POU2F1: variants seen among roughly 807,000 people sequenced by gnomAD.
POU2F1 encodes POU class 2 homeobox 1, also known as POU domain, class 2, transcription factor 1.
A neutral mutation model predicts 84.9 loss-of-function variants in POU2F1; 16 were observed. That is an observed-to-expected ratio of 0.19 (90% CI 0.13 to 0.29). The LOEUF is 0.29. POU2F1 is among the 10% of genes least tolerant of loss of function. The pLI, the probability that POU2F1 is intolerant of heterozygous loss-of-function variation, is 1.00. For synonymous variants in POU2F1, 368 were observed against 368.3 expected (o/e 1.00, Z 0.01); for missense variants, 738 against 942.6 (o/e 0.78, Z 2.84).
chr1:167,375,957 G>A, intron 6 of POU2F1, 72 bp from the exon 7 acceptor site: 1 of 1,546,498 alleles, frequency 6.5e-7, no homozygotes, highest in Admixed American at 1.7e-5. Context: ...GAAGTCATCA[G>A]CTGGAAGCCT....
chr1:167,295,464 T>G (rs1210454821), intron 1 of POU2F1, among the ~76,000 whole-genome samples: 1 of 152,138 alleles, frequency 6.6e-6, no homozygotes, highest in Non-Finnish European at 1.5e-5. Flanking sequence ...CACTTATAAG[T>G]GGGAACTAAG....
chr1:167,379,859 G>T (rs367710732), intron 7 of POU2F1: 165 of 152,270 alleles, frequency 1.1e-3, no homozygotes, highest in African/African-American at 3.5e-3. Flanking sequence ...TAGGAATAAT[G>T]AATTACTGTT....
In POU2F1 at chr1:167,279,816, G is replaced by T. The variant is rs189036336; in HGVS notation, c.62-52654G>T. On this transcript the variant is annotated intron_variant, in intron 1 of 15. Coordinates refer to ENST00000367866, the MANE Select transcript of POU2F1 (RefSeq NM_002697.4). Reference sequence around the variant, plus strand: ...AAGTTCTGGAAGGGTTAGCAAGCAGGTTTACTTGTCTAGATTGAGAAAAAA... The same window carrying T: ...AAGTTCTGGAAGGGTTAGCAAGCAGTTTTACTTGTCTAGATTGAGAAAAAA... 4.6e-5 allele frequency among the ~76,000 whole-genome samples: 7 copies of T among 152,276 alleles called. No homozygotes were observed. The East Asian group carries it at 1.3e-3, about 29-fold the overall frequency.
chr1:167,341,954 A>G (rs889739116), intron 2 of POU2F1, among the ~76,000 whole-genome samples: 1 of 151,356 alleles, frequency 6.6e-6, no homozygotes, highest in Admixed American at 6.6e-5. Flanking sequence ...CTCTTTGACC[A>G]CCCCCAGTCG....
At chr1:167,322,682 G>C (rs1233828228) in intron 1 of POU2F1, among the ~76,000 whole-genome samples, 1 of 152,206 alleles carries the variant, frequency 6.6e-6, no homozygotes, top group Non-Finnish European at 1.5e-5. Context: ...CAGAAATATA[G>C]AGTGCAGAGT....
intron 2 of POU2F1, among the ~76,000 whole-genome samples, chr1:167,355,280 C>G (rs1171957445): frequency 1.3e-5 from 2 of 151,414 alleles, no homozygotes; most frequent in African/African-American, 4.9e-5. Context: ...CCTCATTGAT[C>G]TGTCATCTTT....
intron 2 of POU2F1, among the ~76,000 whole-genome samples, chr1:167,353,735 T>C (rs940004040): frequency 6.6e-6 from 1 of 152,212 alleles, no homozygotes; most frequent in Non-Finnish European, 1.5e-5. Context: ...TCTTTTACGA[T>C]TTTATGCAAA....
chr1:167,384,506 C>T (rs531987512), intron 8 of POU2F1, among the ~76,000 whole-genome samples: 2 of 151,962 alleles, frequency 1.3e-5, no homozygotes, highest in South Asian at 2.1e-4. Context: ...CTCTCTGGAC[C>T]TCAGTCTTCT....
chr1:167,247,638 G>A (rs1650433476), intron 1 of POU2F1, among the ~76,000 whole-genome samples: 1 of 152,022 alleles, frequency 6.6e-6, no homozygotes, highest in African/African-American at 2.4e-5. Context: ...ATAATACAAT[G>A]ATCCAGTATA....
chr1:167,272,152 A>G (rs1053310443), intron 1 of POU2F1, among the ~76,000 whole-genome samples: 3 of 152,200 alleles, frequency 2.0e-5, no homozygotes, highest in Admixed American at 6.5e-5. Flanking sequence ...AGTATGTTAG[A>G]ATGAACAGTA....
chr1:167,311,021 A>C (rs769878005), intron 1 of POU2F1, among the ~76,000 whole-genome samples: 6 of 152,150 alleles, frequency 3.9e-5, no homozygotes, highest in Non-Finnish European at 7.4e-5. Flanking sequence ...AATTCATCTG[A>C]ATGCTGGGAA....
chr1:167,388,501 A>C (rs920338457), intron 8 of POU2F1, among the ~76,000 whole-genome samples: 3 of 152,220 alleles, frequency 2.0e-5, no homozygotes, highest in East Asian at 3.8e-4. Flanking sequence ...TCATTGTGTT[A>C]TCTATGTTAG....
At position 167,363,265 on chromosome 1, in the gene POU2F1, TA is replaced by T. The variant is rs546019182; in HGVS notation, c.128-2201del. ...TTGGTTCTGGAAGACCTCCTATTAG[TA>T]GTGTGTTAATCTTTTAAGTGCTTGT... On this transcript the variant is annotated intron_variant, in intron 2 of 15. Transcript: ENST00000367866. 7.2e-3 allele frequency among the ~76,000 whole-genome samples: 1,098 copies of T among 152,304 alleles called. 6 individuals carry two copies. The highest frequency in any genetic ancestry group is 0.011 in the South Asian group (55 of 4,822).
intron 1 of POU2F1, among the ~76,000 whole-genome samples, chr1:167,281,617 A>G (rs1278209407): frequency 3.3e-5 from 5 of 152,220 alleles, no homozygotes; most frequent in African/African-American, 1.2e-4. Context: ...TCATTTGAAC[A>G]TGGTTCAAAC....
chr1:167,253,387 C>G (rs1000462779), intron 1 of POU2F1, among the ~76,000 whole-genome samples: 15 of 124,282 alleles, frequency 1.2e-4, no homozygotes, highest in Non-Finnish European at 6.9e-5. Context: ...CCCCCCCCCC[C>G]CCAAACACAC....
At chr1:167,320,253 A>G (rs1656216594) in intron 1 of POU2F1, among the ~76,000 whole-genome samples, 1 of 152,212 alleles carries the variant, frequency 6.6e-6, no homozygotes, top group Non-Finnish European at 1.5e-5. Flanking sequence ...TACCTCAATT[A>G]CAGCTACAAG....
At chr1:167,409,967 T>C (rs902152723) in intron 13 of POU2F1, among the ~76,000 whole-genome samples, 1 of 152,162 alleles carries the variant, frequency 6.6e-6, no homozygotes, top group African/African-American at 2.4e-5. Context: ...AGGGGGCATG[T>C]CTTAAGAGAA....
intron 1 of POU2F1, among the ~76,000 whole-genome samples, chr1:167,227,084 C>A (rs1268037496): frequency 1.3e-5 from 2 of 152,068 alleles, no homozygotes; most frequent in Admixed American, 1.3e-4. Context: ...CCACACCTGG[C>A]CCAGATTTCT....
intron 1 of POU2F1, among the ~76,000 whole-genome samples, chr1:167,281,278 A>G (rs1049193170): frequency 2.0e-5 from 3 of 152,210 alleles, no homozygotes; most frequent in Admixed American, 2.0e-4. Context: ...TCTAGGTGTG[A>G]TAGAGTTAAC....
Sources: allele counts gnomAD v4.1 joint callset (sites outside exome capture counted in the v4.1 genomes callset), GRCh38; gene constraint gnomAD v4.1.1; transcripts MANE v1.5; gene names NCBI Gene and HGNC (gene_info 2026-07-23, HGNC 2026-07-21).